Variants in KCNIP4 observed in about 807,000 individuals in gnomAD.
The protein encoded by KCNIP4 is Kv channel-interacting protein 4.
Under a neutral mutation model 34.0 loss-of-function variants are expected in KCNIP4, and 12 were observed. The ratio of observed to expected loss-of-function variants is 0.35; its 90% CI spans 0.23 to 0.57. The LOEUF is 0.57. Among genes scored for constraint, KCNIP4 ranks in the 20% least tolerant of loss-of-function variants. The pLI is 0.83. For missense variants in KCNIP4, 238 were observed against 311.7 expected, an observed-to-expected ratio of 0.76 and a Z score of 1.78; for synonymous variants, 124 against 102.2, an observed-to-expected ratio of 1.21 and a Z score of -1.29.
intron 1 of KCNIP4, among the ~76,000 whole-genome samples, chr4:21,303,647 A>T (rs534120125): frequency 6.6e-6 from 1 of 152,294 alleles, no homozygotes; most frequent in South Asian, 2.1e-4. Flanking sequence ...CAAAAAGTTT[A>T]TTTCATTAAT....
intron 1 of KCNIP4, among the ~76,000 whole-genome samples, chr4:20,906,023 T>TCCTTTC (rs981661980): frequency 3.3e-5 from 5 of 151,964 alleles, no homozygotes; most frequent in Admixed American, 1.3e-4. Context: ...TCTTCTTCTT[T>TCCTTTC]CCTTTCCCCT....
At chr4:21,709,483 T>C (rs1345440226) in intron 1 of KCNIP4, among the ~76,000 whole-genome samples, 1 of 152,198 alleles carries the variant, frequency 6.6e-6, no homozygotes, top group Non-Finnish European at 1.5e-5. Context: ...TACAGGCTGT[T>C]GTCACATTGT....
chr4:21,210,754 T>A (rs1659685923), intron 1 of KCNIP4, among the ~76,000 whole-genome samples: 1 of 152,168 alleles, frequency 6.6e-6, no homozygotes, highest in Admixed American at 6.5e-5. Context: ...ACAGATCCTA[T>A]TTTCTCAAAT....
At chr4:21,151,017 G>A (rs553490131) in intron 1 of KCNIP4, among the ~76,000 whole-genome samples, 1 of 152,232 alleles carries the variant, frequency 6.6e-6, no homozygotes, top group South Asian at 2.1e-4. Context: ...CTACTTGCTA[G>A]AAGGGAAAAA....
chr4:21,486,776 C>T (rs1356854278), intron 1 of KCNIP4, among the ~76,000 whole-genome samples: 1 of 152,036 alleles, frequency 6.6e-6, no homozygotes, highest in Non-Finnish European at 1.5e-5. Context: ...TTTTATATTG[C>T]TATGGCACCT....
intron 1 of KCNIP4, among the ~76,000 whole-genome samples, chr4:21,800,469 G>C (rs2109251658): frequency 6.6e-6 from 1 of 152,176 alleles, no homozygotes; most frequent in Non-Finnish European, 1.5e-5. Context: ...ATATAGTAAA[G>C]TTACCAACAT....
intron 1 of KCNIP4, among the ~76,000 whole-genome samples, chr4:21,579,493 T>G (rs866401665): frequency 6.6e-6 from 1 of 152,224 alleles, no homozygotes; most frequent in Non-Finnish European, 1.5e-5. Flanking sequence ...CTGCTTGCTA[T>G]GTAATCTATT....
At chr4:21,899,561 T>A (rs372328044) in intron 1 of KCNIP4, among the ~76,000 whole-genome samples, 81 of 151,238 alleles carry the variant, frequency 5.4e-4, no homozygotes, top group Admixed American at 1.1e-3. Flanking sequence ...CAAAAAAAAA[T>A]ATTAGAACTG....
At chr4:21,123,158 G>A (rs747016225) in intron 1 of KCNIP4, among the ~76,000 whole-genome samples, 1 of 151,828 alleles carries the variant, frequency 6.6e-6, no homozygotes, top group Non-Finnish European at 1.5e-5. Flanking sequence ...AGTTTGCAGT[G>A]AGCCAAGATC....
intron 1 of KCNIP4, among the ~76,000 whole-genome samples, chr4:20,970,753 T>A (rs552303995): frequency 6.6e-6 from 1 of 152,314 alleles, no homozygotes; most frequent in South Asian, 2.1e-4. Context: ...ATTAATATAT[T>A]AATTCAAGCC....
intron 1 of KCNIP4, among the ~76,000 whole-genome samples, chr4:21,567,489 G>A (rs1376055145): frequency 6.6e-6 from 1 of 151,944 alleles, no homozygotes; most frequent in Admixed American, 6.6e-5. Context: ...ACCAATCTTA[G>A]TAGAATAAAA....
intron 1 of KCNIP4, among the ~76,000 whole-genome samples, chr4:21,256,261 G>C (rs911550916): frequency 6.6e-6 from 1 of 152,020 alleles, no homozygotes. Flanking sequence ...CATATCAAAC[G>C]GGCAGAAAGG....
chr4:21,630,017 ATT>A (rs34714303), intron 1 of KCNIP4, among the ~76,000 whole-genome samples: 32,805 of 119,890 alleles, frequency 0.27, 4,008 homozygotes, highest in East Asian at 0.54. Context: ...CAGCTGGCTA[ATT>A]TTTTTTTTTT....
At chr4:20,989,786 T>A (rs1260178602) in intron 1 of KCNIP4, among the ~76,000 whole-genome samples, 3 of 152,004 alleles carry the variant, frequency 2.0e-5, no homozygotes, top group African/African-American at 4.8e-5. Flanking sequence ...CCGGGCAACA[T>A]GGAGAAACCC....
At chr4:21,643,925 AAGAT>A (rs58763479) in intron 1 of KCNIP4, among the ~76,000 whole-genome samples, 39,595 of 150,032 alleles carry the variant, frequency 0.26, 6,249 homozygotes, top group East Asian at 0.73. Flanking sequence ...GACTGGCAGA[AAGAT>A]AGATAGATAG....
At chr4:20,744,369 T>A (rs200154439) in intron 5 of KCNIP4, among the ~76,000 whole-genome samples, 28 of 152,244 alleles carry the variant, frequency 1.8e-4, no homozygotes, top group Admixed American at 1.6e-3. Context: ...CAAATGTCCA[T>A]CAATGATAGA....
chr4:21,758,307 A>G (rs1399654739), intron 1 of KCNIP4, among the ~76,000 whole-genome samples: 1 of 152,204 alleles, frequency 6.6e-6, no homozygotes, highest in Non-Finnish European at 1.5e-5. Flanking sequence ...GAAGACAATA[A>G]AACAAAATAA....
chr4:20,746,859 A>C (rs1752523376), intron 5 of KCNIP4, among the ~76,000 whole-genome samples: 9 of 152,100 alleles, frequency 5.9e-5, no homozygotes, highest in Admixed American at 5.9e-4. Flanking sequence ...TTTATCGTAG[A>C]ATCAGATGGT....
At chr4:21,537,749 C>T (rs953737238) in intron 1 of KCNIP4, among the ~76,000 whole-genome samples, 1 of 152,012 alleles carries the variant, frequency 6.6e-6, no homozygotes, top group South Asian at 2.1e-4. Context: ...CGCAGTAGCT[C>T]ACGCCTGTAA....
Sources: gnomAD v4.1 joint callset for allele counts (sites outside exome capture counted in the v4.1 genomes callset) on GRCh38, gnomAD v4.1.1 for gene constraint, MANE v1.5 for transcripts, NCBI Gene and HGNC (gene_info 2026-07-23, HGNC 2026-07-21) for gene names.